Variants in PINX1 observed in about 807,000 individuals in gnomAD.
The protein encoded by PINX1 is PIN2 (TERF1) interacting telomerase inhibitor 1, also known as PIN2/TERF1-interacting telomerase inhibitor 1.
In PINX1, 34 loss-of-function variants were observed where a neutral mutation model predicts 25.4. The ratio of observed to expected loss-of-function variants is 1.34; its 90% CI spans 1.02 to 1.78. The LOEUF (loss-of-function observed/expected upper bound fraction) is 1.78. Among genes scored for constraint, PINX1 ranks in the 40% most tolerant of loss-of-function variants. PINX1 has a pLI of 0.00. For missense variants in PINX1, 592 were observed against 404.9 expected, an observed-to-expected ratio of 1.46 and a Z score of -3.97; for synonymous variants, 197 against 147.7, an observed-to-expected ratio of 1.33 and a Z score of -2.42.
chr8:10,839,256 T>C (rs1798496916), intron 1 of PINX1, among the ~76,000 whole-genome samples: 1 of 152,232 alleles, frequency 6.6e-6, no homozygotes, highest in Admixed American at 6.5e-5. Flanking sequence ...CCTCGCTAAG[T>C]GGCTGACGTC....
At chr8:10,778,577 CTAAG>C (rs1801487123) in intron 6 of PINX1, among the ~76,000 whole-genome samples, 1 of 152,136 alleles carries the variant, frequency 6.6e-6, no homozygotes, top group Non-Finnish European at 1.5e-5. Context: ...GATTCATGGT[CTAAG>C]TAAGTTTGGG....
chr8:10,828,271 T>A (rs1468401101), intron 4 of PINX1, among the ~76,000 whole-genome samples: 1 of 152,220 alleles, frequency 6.6e-6, no homozygotes, highest in Non-Finnish European at 1.5e-5. Context: ...TTGCACTTCA[T>A]ATGGCACATA....
chr8:10,827,750 CA>C (rs35845472), intron 4 of PINX1, among the ~76,000 whole-genome samples: 53 of 141,812 alleles, frequency 3.7e-4, no homozygotes, highest in Admixed American at 4.2e-4. Context: ...ACTAAAAATA[CA>C]AAAAAAAAAA....
chr8:10,799,131 T>C (rs1802182100), intron 6 of PINX1, among the ~76,000 whole-genome samples: 1 of 148,962 alleles, frequency 6.7e-6, no homozygotes, highest in Non-Finnish European at 1.5e-5. Context: ...AAAGGTTTTC[T>C]AGTTTGTCAA....
chr8:10,807,110 A>C (rs1031088362), intron 6 of PINX1, among the ~76,000 whole-genome samples: 3 of 152,188 alleles, frequency 2.0e-5, no homozygotes, highest in African/African-American at 7.2e-5. Flanking sequence ...AGGAACTCAG[A>C]GGACCAAGAC....
rs938717264 is a variant in PINX1 at position 10,826,235 on chromosome 8, T to C, written c.311A>G (p.Asp104Gly). 3.2e-6 allele frequency: 5 copies of C among 1,560,448 alleles called. No individual in the cohort carries two copies. Among genetic ancestry groups the C allele is most frequent in the Non-Finnish European group, 4.4e-6 (5 of 1,139,182 alleles). The change falls in exon 5 of 7, where the codon GAC becomes GGC. Residue 104 changes from aspartate to glycine, a missense_variant. Transcript: ENST00000314787. ...GCTAAAAGATTTCTTTTCCTTCTTGTCCGAGGAATCTTTAAAAAAGATGAA... is the reference window on the plus strand; with the variant it reads ...GCTAAAAGATTTCTTTTCCTTCTTGCCCGAGGAATCTTTAAAAAAGATGAA... ...CHGQETTDSSDKKEKKSFSLE... is the reference protein window; with the variant it reads ...CHGQETTDSSGKKEKKSFSLE...
intron 6 of PINX1, among the ~76,000 whole-genome samples, chr8:10,790,133 C>T (rs1402824642): frequency 6.6e-6 from 1 of 152,156 alleles, no homozygotes. Flanking sequence ...ATCCCTTTCC[C>T]TTCCAGAAGG....
At chr8:10,781,827 T>G (rs1267557743) in intron 6 of PINX1, among the ~76,000 whole-genome samples, 1 of 152,130 alleles carries the variant, frequency 6.6e-6, no homozygotes, top group African/African-American at 2.4e-5. Context: ...CAGCAACCCC[T>G]CTTCTGGAAA....
intron 6 of PINX1, among the ~76,000 whole-genome samples, chr8:10,800,238 A>C (rs1802223845): frequency 6.6e-6 from 1 of 152,256 alleles, no homozygotes; most frequent in Non-Finnish European, 1.5e-5. Context: ...AGGATTCATG[A>C]ACAAGAACAC....
At chr8:10,802,714 C>T (rs1363807321) in intron 6 of PINX1, among the ~76,000 whole-genome samples, 3 of 152,074 alleles carry the variant, frequency 2.0e-5, no homozygotes, top group South Asian at 2.1e-4. Flanking sequence ...GGGATCTGGG[C>T]GAAGATCTCT....
At chr8:10,816,481 CT>C (rs1292380427) in intron 6 of PINX1, among the ~76,000 whole-genome samples, 1 of 152,224 alleles carries the variant, frequency 6.6e-6, no homozygotes, top group East Asian at 1.9e-4. Flanking sequence ...TGCTCAAGCT[CT>C]TTCTTAATTC....
At chr8:10,803,914 A>C (rs959512226) in intron 6 of PINX1, among the ~76,000 whole-genome samples, 2 of 152,234 alleles carry the variant, frequency 1.3e-5, no homozygotes, top group African/African-American at 2.4e-5. Context: ...ATCAATTAAG[A>C]AGCAAGGAAA....
intron 6 of PINX1, among the ~76,000 whole-genome samples, chr8:10,787,351 C>G (rs1801784703): frequency 6.6e-6 from 1 of 151,928 alleles, no homozygotes; most frequent in Non-Finnish European, 1.5e-5. Flanking sequence ...CACAGCCCCC[C>G]AAGGAGCTGG....
chr8:10,816,323 C>T (rs778487793), intron 6 of PINX1, among the ~76,000 whole-genome samples: 32 of 152,160 alleles, frequency 2.1e-4, no homozygotes, highest in Non-Finnish European at 3.4e-4. Context: ...TTTGCAACAT[C>T]CTGTTCATCT....
intron 6 of PINX1, among the ~76,000 whole-genome samples, chr8:10,811,677 C>T (rs1374070509): frequency 6.6e-6 from 1 of 152,152 alleles, no homozygotes; most frequent in Non-Finnish European, 1.5e-5. Context: ...CAGGCAAGCT[C>T]GGGGTGCCTG....
intron 6 of PINX1, among the ~76,000 whole-genome samples, chr8:10,767,616 A>C (rs2129070220): frequency 6.6e-6 from 1 of 152,360 alleles, no homozygotes. Context: ...AAAGAGCTGA[A>C]ATGCTGCACA....
chr8:10,836,225 C>A (rs746931813), intron 1 of PINX1, among the ~76,000 whole-genome samples: 11 of 151,660 alleles, frequency 7.3e-5, no homozygotes, highest in Non-Finnish European at 1.3e-4. Context: ...AATACACAGG[C>A]AGAAAAAAAG....
intron 6 of PINX1, among the ~76,000 whole-genome samples, chr8:10,804,318 C>G (rs1802366850): frequency 6.6e-6 from 1 of 152,116 alleles, no homozygotes; most frequent in African/African-American, 2.4e-5. Flanking sequence ...AAAAACCTGC[C>G]AAATAAAACA....
intron 3 of PINX1, 24 bp from the exon 4 acceptor site, chr8:10,831,767 G>C (rs769957091): frequency 1.4e-6 from 2 of 1,411,110 alleles, no homozygotes; most frequent in Non-Finnish European, 2.0e-6. Flanking sequence ...AGAAATGAAC[G>C]AGAGGTAAGC....
Sources: allele counts gnomAD v4.1 joint callset (sites outside exome capture counted in the v4.1 genomes callset), GRCh38; gene constraint gnomAD v4.1.1; transcripts MANE v1.5; gene names NCBI Gene and HGNC (gene_info 2026-07-23, HGNC 2026-07-21).